CLIC4: variants seen among roughly 807,000 people sequenced by gnomAD.
The protein encoded by CLIC4 is CLIC family member 4.
In CLIC4, 13 loss-of-function variants were observed where a neutral mutation model predicts 24.6. That is an observed-to-expected ratio of 0.53 (90% CI 0.34 to 0.84). The LOEUF (loss-of-function observed/expected upper bound fraction) is 0.84. Ranked by LOEUF, CLIC4 falls within the 40% of genes least tolerant of loss-of-function variation. The pLI, the probability that CLIC4 is intolerant of heterozygous loss-of-function variation, is 0.01. For missense variants in CLIC4, 227 were observed against 301.7 expected (o/e 0.75, Z 1.83); for synonymous variants, 104 against 111.3 (o/e 0.93, Z 0.41).
chr1:24,797,832 A>T lies in CLIC4; in HGVS notation c.163A>T (p.Thr55Ser), dbSNP rs774646474. Residue 55 changes from threonine to serine, a missense_variant, in exon 2 of 6, where the codon ACG (threonine) becomes TCG (serine). Physicochemically the swap from Thr to Ser is moderately conservative, Grantham distance 58. Transcript: ENST00000374379. ...LWLKGVVFSV[T>S]TVDLKRKPAD... Reference sequence around the variant, plus strand: ...GCTCAAAGGAGTTGTATTTAGTGTGACGACTGTTGACCTGAAAAGGTAAGA... The same window carrying T: ...GCTCAAAGGAGTTGTATTTAGTGTGTCGACTGTTGACCTGAAAAGGTAAGA... The T allele has an allele frequency of 1.9e-6, 3 of 1,612,048 alleles. No homozygotes were observed. The highest frequency in any genetic ancestry group is 1.1e-5 in the South Asian group (1 of 90,650).
chr1:24,822,006 A>G (rs1263538378), intron 3 of CLIC4, among the ~76,000 whole-genome samples: 1 of 152,184 alleles, frequency 6.6e-6, no homozygotes, highest in Non-Finnish European at 1.5e-5. Context: ...AATCCTCACA[A>G]AGACTTTGTG....
At chr1:24,752,942 C>T (rs534747662) in intron 1 of CLIC4, among the ~76,000 whole-genome samples, 6 of 152,204 alleles carry the variant, frequency 3.9e-5, no homozygotes, top group African/African-American at 9.6e-5. Context: ...AGGATGGTCT[C>T]GATCTCCTGA....
At chr1:24,787,329 C>T (rs1458164821) in intron 1 of CLIC4, among the ~76,000 whole-genome samples, 1 of 151,938 alleles carries the variant, frequency 6.6e-6, no homozygotes, top group Non-Finnish European at 1.5e-5. Context: ...CCTGTCTCTA[C>T]TAAAGATACC....
At chr1:24,767,024 TAAAAAAAAAAA>T (rs34142565) in intron 1 of CLIC4, among the ~76,000 whole-genome samples, 3 of 71,124 alleles carry the variant, frequency 4.2e-5, no homozygotes, top group Non-Finnish European at 7.5e-5. Context: ...GCTGATGAGC[TAAAAAAAAAAA>T]AAAAAAAAAA....
chr1:24,799,300 T>A (rs181004485), intron 2 of CLIC4, among the ~76,000 whole-genome samples: 2,898 of 128,722 alleles, frequency 0.023, 92 homozygotes, highest in African/African-American at 0.083. Context: ...CTGCCCCGCC[T>A]CCCCATCTGG....
At chr1:24,782,642 A>G (rs555262600) in intron 1 of CLIC4, among the ~76,000 whole-genome samples, 5 of 152,328 alleles carry the variant, frequency 3.3e-5, no homozygotes, top group Admixed American at 6.5e-5. Context: ...TAGATTAATA[A>G]TTTAAAAAAC....
chr1:24,802,407 G>A (rs1054477509), intron 2 of CLIC4, among the ~76,000 whole-genome samples: 1 of 152,096 alleles, frequency 6.6e-6, no homozygotes, highest in Non-Finnish European at 1.5e-5. Flanking sequence ...GCGCATGGGA[G>A]GTAGGCATTC....
chr1:24,820,067 G>GTGTATGTATATA (rs1212033050), intron 3 of CLIC4, among the ~76,000 whole-genome samples: 1 of 36,472 alleles, frequency 2.7e-5, no homozygotes, highest in Non-Finnish European at 5.2e-5. Flanking sequence ...AAAAAAGTAT[G>GTGTATGTATATA]TATATATATA....
intron 1 of CLIC4, among the ~76,000 whole-genome samples, chr1:24,753,138 C>G (rs1015834562): frequency 6.6e-6 from 1 of 152,014 alleles, no homozygotes; most frequent in African/African-American, 2.4e-5. Context: ...ATTCCTAAAC[C>G]AAGGCTAAGA....
At chr1:24,806,595 A>G (rs1445601074) in intron 2 of CLIC4, among the ~76,000 whole-genome samples, 1 of 152,198 alleles carries the variant, frequency 6.6e-6, no homozygotes, top group East Asian at 1.9e-4. Context: ...TGGTAATCAT[A>G]TGTCCTTTAA....
chr1:24,764,107 T>C (rs1201630021), intron 1 of CLIC4, among the ~76,000 whole-genome samples: 1 of 152,218 alleles, frequency 6.6e-6, no homozygotes, highest in African/African-American at 2.4e-5. Context: ...AAGGATCATC[T>C]GCTTAGCAGC....
intron 1 of CLIC4, among the ~76,000 whole-genome samples, chr1:24,777,218 C>A (rs1232514827): frequency 6.6e-6 from 1 of 152,124 alleles, no homozygotes; most frequent in African/African-American, 2.4e-5. Context: ...CTCAGTACAC[C>A]AGATAAACTG....
chr1:24,766,874 T>C (rs989963993), intron 1 of CLIC4, among the ~76,000 whole-genome samples: 7 of 151,346 alleles, frequency 4.6e-5, no homozygotes, highest in Admixed American at 2.0e-4. Context: ...ATATTTCAAG[T>C]AGGCAATTGA....
chr1:24,775,224 C>CTTTCTTTTTTTTTTT (rs1639119913), intron 1 of CLIC4, among the ~76,000 whole-genome samples: 3 of 90,652 alleles, frequency 3.3e-5, no homozygotes, highest in Non-Finnish European at 4.2e-5. Flanking sequence ...TTCTTTCTTT[C>CTTTCTTTTTTTTTTT]TTTTTTTTTT....
intron 2 of CLIC4, among the ~76,000 whole-genome samples, chr1:24,805,669 A>G (rs866895887): frequency 3.3e-5 from 5 of 152,244 alleles, no homozygotes; most frequent in South Asian, 2.1e-4. Flanking sequence ...GGGCAAGTCA[A>G]CTTGTTACAG....
At chr1:24,784,649 G>T (rs1639242888) in intron 1 of CLIC4, among the ~76,000 whole-genome samples, 1 of 152,158 alleles carries the variant, frequency 6.6e-6, no homozygotes, top group Non-Finnish European at 1.5e-5. Context: ...TCATGAATTG[G>T]TGATGCTGAG....
At chr1:24,830,801 A>G (rs1426584152) in intron 4 of CLIC4, among the ~76,000 whole-genome samples, 1 of 152,204 alleles carries the variant, frequency 6.6e-6, no homozygotes, top group Non-Finnish European at 1.5e-5. Context: ...GCATTACTAC[A>G]TCGGGGTATT....
In CLIC4 at chr1:24,841,160, T is replaced by G; in HGVS notation, c.*223T>G. On this transcript the variant is annotated 3_prime_UTR_variant, in exon 6 of 6. Coordinates refer to ENST00000374379, the MANE Select transcript of CLIC4 (RefSeq NM_013943.3). Reference sequence around the variant, plus strand: ...CCCTGGCTACCTCCCCTACCCGGGTTCCCCTCTCTTTAATTTGGAGACACT... The same window carrying G: ...CCCTGGCTACCTCCCCTACCCGGGTGCCCCTCTCTTTAATTTGGAGACACT... 1.7e-5 allele frequency: 5 copies of G among 291,572 alleles called. No individual in the cohort carries two copies. Among genetic ancestry groups the G allele is most frequent in the Non-Finnish European group, 2.5e-5 (4 of 158,834 alleles). 18.1% of individuals were successfully genotyped at this position (291,572 alleles called of 1,614,324 possible).
intron 1 of CLIC4, among the ~76,000 whole-genome samples, chr1:24,776,460 T>G (rs1639142370): frequency 1.3e-5 from 2 of 152,192 alleles, no homozygotes; most frequent in South Asian, 4.1e-4. Context: ...ATAGGCAGAG[T>G]TGATCCTATA....
Sources: gnomAD v4.1 joint callset for allele counts (sites outside exome capture counted in the v4.1 genomes callset) on GRCh38, gnomAD v4.1.1 for gene constraint, MANE v1.5 for transcripts, NCBI Gene and HGNC (gene_info 2026-07-23, HGNC 2026-07-21) for gene names.